Variants in FMN2 observed in about 807,000 individuals in gnomAD.
The protein encoded by FMN2 is formin 2.
A neutral mutation model predicts 142.3 loss-of-function variants in FMN2; 51 were observed. The observed-to-expected ratio is 0.36, with a 90% CI of 0.29 to 0.45. The LOEUF (loss-of-function observed/expected upper bound fraction) is 0.45. FMN2 is among the 20% of genes least tolerant of loss of function. The pLI, the probability that FMN2 is intolerant of heterozygous loss-of-function variation, is 1.00. For missense variants in FMN2, 1,936 were observed against 2,122.8 expected, an observed-to-expected ratio of 0.91 and a Z score of 1.73; for synonymous variants, 882 against 869.8, an observed-to-expected ratio of 1.01 and a Z score of -0.25.
intron 6 of FMN2, among the ~76,000 whole-genome samples, chr1:240,221,142 AG>A (rs1398083415): frequency 3.3e-5 from 5 of 152,118 alleles, no homozygotes; most frequent in Admixed American, 6.6e-5. Context: ...GGTGGTTCCA[AG>A]TCTTTGCTAT....
At chr1:240,266,932 A>G (rs980709940) in intron 7 of FMN2, among the ~76,000 whole-genome samples, 1 of 152,112 alleles carries the variant, frequency 6.6e-6, no homozygotes, top group Admixed American at 6.6e-5. Flanking sequence ...CCTTCATCAC[A>G]TATAAAAATT....
chr1:240,338,770 C>T (rs945254733), intron 13 of FMN2, among the ~76,000 whole-genome samples: 62 of 152,200 alleles, frequency 4.1e-4, no homozygotes, highest in African/African-American at 1.4e-3. Flanking sequence ...CAGGATGATT[C>T]GAGGGCATTA....
chr1:240,232,818 T>C (rs566874136), intron 6 of FMN2, among the ~76,000 whole-genome samples: 1 of 152,298 alleles, frequency 6.6e-6, no homozygotes, highest in South Asian at 2.1e-4. Flanking sequence ...CTTATAATAG[T>C]CTACTATACA....
intron 15 of FMN2, among the ~76,000 whole-genome samples, chr1:240,419,928 C>T (rs907744102): frequency 6.6e-6 from 1 of 152,074 alleles, no homozygotes; most frequent in Non-Finnish European, 1.5e-5. Flanking sequence ...GTCATTTGCC[C>T]CTAAGGATGC....
At position 240,215,177 on chromosome 1, in the gene FMN2, A is replaced by G. The variant is rs184528531; in HGVS notation, c.4065+3942A>G. Among the ~76,000 whole-genome samples, 415 of 152,334 alleles carry G rather than the reference A, an allele frequency of 2.7e-3. 3 individuals carry two copies. In the South Asian group the frequency reaches 0.027, roughly 10 times the overall value. Reference sequence around the variant, plus strand: ...TTTTTGGTTAATCTTCTATCAAATAATGTCATAAGGAAATATATTTTGGTA... The same window carrying G: ...TTTTTGGTTAATCTTCTATCAAATAGTGTCATAAGGAAATATATTTTGGTA... On this transcript the variant is annotated intron_variant, in intron 6 of 17. Transcript: ENST00000319653.
intron 7 of FMN2, among the ~76,000 whole-genome samples, chr1:240,286,710 CAG>C (rs149225290): frequency 0.065 from 9,943 of 152,170 alleles, 1,084 homozygotes; most frequent in African/African-American, 0.23. Flanking sequence ...CCATCTTAAT[CAG>C]AGATGCTTCC....
At chr1:240,190,559 C>T (rs558522055) in intron 4 of FMN2, among the ~76,000 whole-genome samples, 7 of 152,198 alleles carry the variant, frequency 4.6e-5, no homozygotes, top group South Asian at 2.1e-4. Context: ...TATTATAATG[C>T]GCATTTAACT....
chr1:240,171,142 G>A (rs1328253247), intron 2 of FMN2: 7 of 1,170,350 alleles, frequency 6.0e-6, no homozygotes, highest in Non-Finnish European at 9.0e-6. Flanking sequence ...GTGAAAGAGT[G>A]TAGAAAGTGT....
intron 6 of FMN2, among the ~76,000 whole-genome samples, chr1:240,225,645 C>G (rs1667271727): frequency 6.6e-6 from 1 of 152,128 alleles, no homozygotes; most frequent in African/African-American, 2.4e-5. Flanking sequence ...TTTTCAACAA[C>G]AAATTCAAGT....
intron 2 of FMN2, among the ~76,000 whole-genome samples, chr1:240,140,589 G>C (rs1571973314): frequency 1.3e-5 from 2 of 149,900 alleles, no homozygotes; most frequent in Non-Finnish European, 3.0e-5. Context: ...TTCTCTTTCT[G>C]TGCTTTGTAA....
At chr1:240,259,416 C>T (rs551246950) in intron 7 of FMN2, among the ~76,000 whole-genome samples, 1 of 151,084 alleles carries the variant, frequency 6.6e-6, no homozygotes, top group Non-Finnish European at 1.5e-5. Flanking sequence ...AAGGGTCATA[C>T]AGAATCATGC....
chr1:240,388,762 T>C (rs1673502291), intron 14 of FMN2, among the ~76,000 whole-genome samples: 1 of 149,830 alleles, frequency 6.7e-6, no homozygotes, highest in Non-Finnish European at 1.5e-5. Flanking sequence ...CTCGGGAGGC[T>C]GAGACAGGAG....
intron 1 of FMN2, among the ~76,000 whole-genome samples, chr1:240,113,877 C>A (rs2103200063): frequency 6.6e-6 from 1 of 152,236 alleles, no homozygotes; most frequent in South Asian, 2.1e-4. Flanking sequence ...GTTCGTATCT[C>A]TTGGTTTTGC....
intron 7 of FMN2, among the ~76,000 whole-genome samples, chr1:240,272,676 T>G (rs181885825): frequency 2.6e-5 from 4 of 152,286 alleles, no homozygotes; most frequent in African/African-American, 9.6e-5. Context: ...GTGAGGTATA[T>G]TCTACAAATA....
rs912093266 is a variant in FMN2 at position 240,091,918 on chromosome 1, C to T, written c.-192C>T. Reference sequence around the variant, plus strand: ...CCGCAGCGACGGCAGCCACGGGAGCCGCCGCGCATTATGCAAAGCGGCGGC... The same window carrying T: ...CCGCAGCGACGGCAGCCACGGGAGCTGCCGCGCATTATGCAAAGCGGCGGC... On this transcript the variant is annotated 5_prime_UTR_variant, in exon 1 of 18. Coordinates refer to ENST00000319653, the MANE Select transcript of FMN2 (RefSeq NM_020066.5). 3.1e-6 allele frequency: 3 copies of T among 976,486 alleles called. No homozygotes were observed. The highest frequency in any genetic ancestry group is 3.3e-5 in the East Asian group (1 of 29,972). The allele number at this position is 976,486 out of a possible 1,614,324, so 60.5% of individuals were successfully genotyped here. A position where few individuals can be genotyped will look rare whatever the true frequency, so the allele number is the denominator to read the frequency against.
At chr1:240,164,995 T>C (rs1558331439) in intron 2 of FMN2, among the ~76,000 whole-genome samples, 2 of 152,186 alleles carry the variant, frequency 1.3e-5, no homozygotes, top group Non-Finnish European at 2.9e-5. Flanking sequence ...TCCCATCCTT[T>C]TGACTCCATT....
At chr1:240,329,590 G>A in intron 10 of FMN2, 122 bp downstream of exon 10, 3 of 1,303,716 alleles carry the variant, frequency 2.3e-6, no homozygotes, top group South Asian at 2.9e-5. Flanking sequence ...AAGGATCGCA[G>A]TCCCACAGAA....
intron 15 of FMN2, among the ~76,000 whole-genome samples, chr1:240,429,730 A>G (rs1365095727): frequency 2.0e-5 from 3 of 152,106 alleles, no homozygotes; most frequent in Admixed American, 2.0e-4. Context: ...TCATATTGAT[A>G]TATCAGCAAC....
At chr1:240,388,227 C>CAAAAAAAAAAAAAAAAAAAAAAAAAAA (rs761610582) in intron 14 of FMN2, among the ~76,000 whole-genome samples, 1 of 6,056 alleles carries the variant, frequency 1.7e-4, no homozygotes, top group Non-Finnish European at 2.6e-4. Flanking sequence ...GTGCTCAAAG[C>CAAAAAAAAAAAAAAAAAAAAAAAAAAA]AAAAAAAAAA....
Sources: gnomAD v4.1 joint callset for allele counts (sites outside exome capture counted in the v4.1 genomes callset) on GRCh38, gnomAD v4.1.1 for gene constraint, MANE v1.5 for transcripts, NCBI Gene and HGNC (gene_info 2026-07-23, HGNC 2026-07-21) for gene names.